The following ARFGEF2 variants were observed in gnomAD, a reference collection of about 807,000 sequenced individuals.
The protein encoded by ARFGEF2 is brefeldin A-inhibited guanine nucleotide-exchange protein 2.
Under a neutral mutation model 219.9 loss-of-function variants are expected in ARFGEF2, and 74 were observed. That is an observed-to-expected ratio of 0.34 (90% CI 0.28 to 0.41). The LOEUF (loss-of-function observed/expected upper bound fraction) is 0.41. Ranked by LOEUF, ARFGEF2 falls within the 10% of genes least tolerant of loss-of-function variation. ARFGEF2 has a pLI of 1.00. For missense variants in ARFGEF2, 1,743 were observed against 2,218.3 expected (o/e 0.79, Z 4.30); for synonymous variants, 733 against 799.2 (o/e 0.92, Z 1.40).
chr20:48,964,480 C>G (rs1423706344), intron 7 of ARFGEF2, among the ~76,000 whole-genome samples: 1 of 152,188 alleles, frequency 6.6e-6, no homozygotes, highest in East Asian at 1.9e-4. Context: ...TTCCATATGC[C>G]TTGTAGATTA....
At chr20:49,005,556 G>A (rs1487621673) in intron 26 of ARFGEF2, among the ~76,000 whole-genome samples, 1 of 151,802 alleles carries the variant, frequency 6.6e-6, no homozygotes, top group Non-Finnish European at 1.5e-5. Context: ...GGCTAACACG[G>A]TGAAACCCCG....
At chr20:48,942,228 T>A (rs2090997065) in intron 3 of ARFGEF2, among the ~76,000 whole-genome samples, 8 of 152,220 alleles carry the variant, frequency 5.3e-5, no homozygotes, top group Admixed American at 5.2e-4. Flanking sequence ...TCATGTCTTG[T>A]GTATGTTTTT....
intron 14 of ARFGEF2, among the ~76,000 whole-genome samples, chr20:48,977,916 A>G (rs1220599856): frequency 2.0e-5 from 3 of 152,190 alleles, no homozygotes; most frequent in Admixed American, 6.5e-5. Flanking sequence ...ATTTTCTCCC[A>G]TTCTGTAGGT....
intron 36 of ARFGEF2, among the ~76,000 whole-genome samples, chr20:49,028,119 A>G (rs546629187): frequency 3.3e-5 from 5 of 152,196 alleles, no homozygotes; most frequent in African/African-American, 9.6e-5. Context: ...TTAGCCCGGC[A>G]TGGTGGTGGG....
chr20:49,024,757 T>A (rs559514633), intron 35 of ARFGEF2, among the ~76,000 whole-genome samples: 1 of 152,244 alleles, frequency 6.6e-6, no homozygotes, highest in African/African-American at 2.4e-5. Flanking sequence ...CCCAGCACTT[T>A]GGGAGGCCGA....
intron 1 of ARFGEF2, among the ~76,000 whole-genome samples, chr20:48,924,650 T>C (rs910098074): frequency 2.6e-5 from 4 of 152,272 alleles, no homozygotes; most frequent in Non-Finnish European, 5.9e-5. Context: ...GTTGAAATGC[T>C]TGGATGATAG....
At chr20:49,031,217 GGAC>G (rs1301080214) in intron 37 of ARFGEF2, among the ~76,000 whole-genome samples, 3 of 126,330 alleles carry the variant, frequency 2.4e-5, no homozygotes, top group Admixed American at 1.7e-4. Context: ...CCTTGAGTTT[GGAC>G]TTTTTTTTTT....
intron 26 of ARFGEF2, 136 bp from the exon 27 acceptor site, chr20:49,010,096 A>G (rs2091487677): frequency 9.3e-7 from 1 of 1,078,442 alleles, no homozygotes; most frequent in East Asian, 2.4e-5. Context: ...GTGAGAGGAA[A>G]CGGGGCAGAG....
At chr20:48,963,667 A>G (rs2091168712) in intron 6 of ARFGEF2, among the ~76,000 whole-genome samples, 163 bp from the exon 7 acceptor site, 1 of 152,230 alleles carries the variant, frequency 6.6e-6, no homozygotes, top group African/African-American at 2.4e-5. Flanking sequence ...CCAGATTTCA[A>G]GGAAGTTGTC....
chr20:49,003,473 C>T (rs1337584689), intron 25 of ARFGEF2, among the ~76,000 whole-genome samples: 1 of 151,526 alleles, frequency 6.6e-6, no homozygotes, highest in African/African-American at 2.4e-5. Flanking sequence ...ATCTTGGTGG[C>T]GGGCACCTGT....
In ARFGEF2 at chr20:48,952,951, C is replaced by T; in HGVS notation, c.603+67C>T. ...CTCTCTGAACTCTATCATGTGTGAC[C>T]TTGGTGCCTGTGAAGAATCACTAGC... On this transcript the variant is annotated intron_variant, in intron 5 of 38. Transcript: ENST00000371917. 3 of 1,534,660 alleles carry T rather than the reference C, an allele frequency of 2.0e-6. No individual in the cohort carries two copies. In the South Asian group the frequency reaches 3.4e-5, roughly 17 times the overall value.
In ARFGEF2 at chr20:49,035,817, C is replaced by T; in HGVS notation, c.*2618C>T. On this transcript the variant is annotated 3_prime_UTR_variant, in exon 39 of 39. Transcript: ENST00000371917. ...CTGTTAGGGAAATCACCAGCTTTGG[C>T]ATCTTAACAACAAACAGTGGATGGG... 1 of 196,616 alleles carries T rather than the reference C, an allele frequency of 5.1e-6. No homozygotes were observed. Among genetic ancestry groups the T allele is most frequent in the Non-Finnish European group, 1.0e-5 (1 of 97,668 alleles). The allele number at this position is 196,616 out of a possible 1,614,324, so 12.2% of individuals were successfully genotyped here. A position where few individuals can be genotyped will look rare whatever the true frequency, so the allele number is the denominator to read the frequency against.
intron 26 of ARFGEF2, among the ~76,000 whole-genome samples, chr20:49,006,597 C>G (rs1253293092): frequency 6.6e-6 from 1 of 152,112 alleles, no homozygotes; most frequent in Non-Finnish European, 1.5e-5. Context: ...GTAAGGGCAC[C>G]CTTAGGAAAA....
chr20:48,938,977 TTTG>T lies in ARFGEF2; in HGVS notation c.122-2219_122-2217del, dbSNP rs1568692125. ...TGGTTTGTTTTATGGGTTTTTTTTG[TTTG>T]TTTTTTTTTTTTTTGAGAAAGTCTC... On this transcript the variant is annotated intron_variant, in intron 1 of 38. Coordinates refer to ENST00000371917, the MANE Select transcript of ARFGEF2 (RefSeq NM_006420.3). Among the ~76,000 whole-genome samples the T allele has an allele frequency of 2.0e-3, 299 of 147,520 alleles. 12 individuals carry two copies. The highest frequency in any genetic ancestry group is 0.019 in the Admixed American group (279 of 14,372).
In ARFGEF2 at chr20:49,013,670, G is replaced by T. The variant is rs2091514064; in HGVS notation, c.4025G>T (p.Arg1342Ile). Residue 1342 changes from arginine to isoleucine, a missense_variant, in exon 29 of 39, where the codon AGA becomes ATA. Transcript: ENST00000371917. ...ILFELSCIIN[R>I]CKLDVRTRGL... ...TTCGAACTCTCCTGCATCATTAATAGATGCAAGTTAGATGTACGAACAAGG... is the reference window on the plus strand; with the variant it reads ...TTCGAACTCTCCTGCATCATTAATATATGCAAGTTAGATGTACGAACAAGG... 10 of 1,614,164 alleles carry T rather than the reference G, an allele frequency of 6.2e-6. No individual in the cohort carries two copies. The highest frequency in any genetic ancestry group is 7.6e-6 in the Non-Finnish European group (9 of 1,180,020).
At chr20:48,991,286 T>C in intron 21 of ARFGEF2, 88 bp downstream of exon 21, 2 of 1,571,246 alleles carry the variant, frequency 1.3e-6, no homozygotes, top group South Asian at 2.2e-5. Flanking sequence ...GTCAGTTCTG[T>C]TTTTCTTGAA....
intron 23 of ARFGEF2, 152 bp downstream of exon 23, chr20:48,996,034 C>A (rs2091383937): frequency 1.4e-6 from 1 of 726,690 alleles, no homozygotes; most frequent in East Asian, 2.7e-5. Flanking sequence ...TGCATTTTGA[C>A]CTTTTAGAAA....
At position 48,989,574 on chromosome 20, in the gene ARFGEF2, T is replaced by C; in HGVS notation, c.2704T>C (p.Leu902=). 1.2e-6 allele frequency: 2 copies of C among 1,614,234 alleles called. No homozygotes were observed. Among genetic ancestry groups the C allele is most frequent in the African/African-American group, 2.7e-5 (2 of 75,072 alleles). Residue 902 remains leucine (L), a synonymous_variant, in exon 20 of 39, where the codon TTG becomes CTG. Transcript: ENST00000371917. ...PMFKLVWTPL[L]AAYSIGLQNC... Reference sequence around the variant, plus strand: ...ATGATAGCTGGTGTGGACGCCACTATTGGCAGCCTACAGCATCGGACTCCA... The same window carrying C: ...ATGATAGCTGGTGTGGACGCCACTACTGGCAGCCTACAGCATCGGACTCCA...
chr20:49,020,894 G>C (rs2091561475), intron 34 of ARFGEF2, among the ~76,000 whole-genome samples: 1 of 152,126 alleles, frequency 6.6e-6, no homozygotes, highest in African/African-American at 2.4e-5. Flanking sequence ...CATTCCCCCA[G>C]GGAACAGTGC....
Sources: gnomAD v4.1 joint callset for allele counts (sites outside exome capture counted in the v4.1 genomes callset) on GRCh38, gnomAD v4.1.1 for gene constraint, MANE v1.5 for transcripts, NCBI Gene and HGNC (gene_info 2026-07-23, HGNC 2026-07-21) for gene names.